The following MYO9A variants were observed in gnomAD, a reference collection of about 807,000 sequenced individuals.
The protein encoded by MYO9A is unconventional myosin-IXa.
MYO9A carries 103 observed loss-of-function variants against 293.3 expected under a neutral mutation model. The ratio of observed to expected loss-of-function variants is 0.35; its 90% CI spans 0.30 to 0.41. The LOEUF (loss-of-function observed/expected upper bound fraction) is 0.41, where lower values mean the gene tolerates loss of function less well. Ranked by LOEUF, MYO9A falls within the 10% of genes least tolerant of loss-of-function variation. MYO9A has a pLI of 1.00. For missense variants in MYO9A, 2,685 were observed against 3,033.0 expected (o/e 0.89, Z 2.69); for synonymous variants, 1,001 against 1,035.7 (o/e 0.97, Z 0.64).
intron 1 of MYO9A, among the ~76,000 whole-genome samples, chr15:72,047,072 T>C (rs1413462791): frequency 6.6e-6 from 1 of 152,036 alleles, no homozygotes; most frequent in Admixed American, 6.5e-5. Flanking sequence ...ATCCCAACAA[T>C]GGAGCAAAAA....
chr15:71,933,277 C>T (rs1280710970), intron 18 of MYO9A, among the ~76,000 whole-genome samples: 1 of 152,110 alleles, frequency 6.6e-6, no homozygotes, highest in African/African-American at 2.4e-5. Context: ...ATAGAAAAAC[C>T]TGGCAAACAT....
At chr15:72,114,414 G>C (rs1352619156) in intron 1 of MYO9A, 3 of 152,242 alleles carry the variant, frequency 2.0e-5, no homozygotes, top group East Asian at 3.8e-4. Context: ...GGAATGACCT[G>C]AAATATCATG....
chr15:72,100,337 G>A (rs1203221184), intron 1 of MYO9A, among the ~76,000 whole-genome samples: 1 of 152,250 alleles, frequency 6.6e-6, no homozygotes, highest in African/African-American at 2.4e-5. Context: ...GTGCTCGGTG[G>A]TGCCCAGGCT....
At chr15:71,940,798 G>C (rs935139674) in intron 15 of MYO9A, among the ~76,000 whole-genome samples, 2 of 152,116 alleles carry the variant, frequency 1.3e-5, no homozygotes, top group Non-Finnish European at 2.9e-5. Flanking sequence ...ATCCACAAGA[G>C]CTGAAAACAA....
At chr15:71,999,784 C>T in intron 9 of MYO9A, 67 bp downstream of exon 9, 1 of 1,326,320 alleles carries the variant, frequency 7.5e-7, no homozygotes, top group Non-Finnish European at 1.0e-6. Flanking sequence ...AAGAGAAAAC[C>T]CAAACTTCAA....
At chr15:71,999,980 G>A (rs374162152) in intron 8 of MYO9A, 40 bp from the exon 9 acceptor site, 3 of 1,508,722 alleles carry the variant, frequency 2.0e-6, no homozygotes, top group Non-Finnish European at 2.7e-6. Context: ...TAAGATTTAT[G>A]ACAATAGGTT....
intron 14 of MYO9A, chr15:71,953,630 CT>C (rs1338787918): frequency 6.6e-6 from 1 of 152,168 alleles, no homozygotes; most frequent in Non-Finnish European, 1.5e-5. Flanking sequence ...GTATCTGTGA[CT>C]GCTTTGTCTC....
At chr15:71,971,615 A>C (rs944177431) in intron 12 of MYO9A, among the ~76,000 whole-genome samples, 1 of 139,600 alleles carries the variant, frequency 7.2e-6, no homozygotes, top group African/African-American at 2.6e-5. Context: ...AAAAAAAAAA[A>C]CAAAGTAATT....
At chr15:72,085,296 G>A (rs1334463258) in intron 1 of MYO9A, among the ~76,000 whole-genome samples, 1 of 151,986 alleles carries the variant, frequency 6.6e-6, no homozygotes, top group Admixed American at 6.6e-5. Flanking sequence ...GGGAAGCTGA[G>A]GCAGGAGAAT....
At position 72,109,837 on chromosome 15, in the gene MYO9A, A is replaced by T. The variant is rs141383543; in HGVS notation, c.-72+7843T>A. ...CTTGAACCTCGAAAGTGGAGGCTGCAGTGAGCCAAGATCGCACCACTGCAC... is the reference window on the plus strand; with the variant it reads ...CTTGAACCTCGAAAGTGGAGGCTGCTGTGAGCCAAGATCGCACCACTGCAC... On this transcript the variant is annotated intron_variant, in intron 1 of 41. Coordinates refer to ENST00000356056, the MANE Select transcript of MYO9A (RefSeq NM_006901.4). Among the ~76,000 whole-genome samples, 493 of 152,080 alleles carry T rather than the reference A, an allele frequency of 3.2e-3. 2 individuals are homozygous for T. Among genetic ancestry groups the T allele is most frequent in the Non-Finnish European group, 5.2e-3 (352 of 67,988 alleles).
chr15:71,989,806 G>A (rs984411231), intron 11 of MYO9A, among the ~76,000 whole-genome samples: 1 of 151,916 alleles, frequency 6.6e-6, no homozygotes, highest in African/African-American at 2.4e-5. Flanking sequence ...TGGGAGGACT[G>A]CTTGAGCCTA....
intron 1 of MYO9A, among the ~76,000 whole-genome samples, chr15:72,057,868 A>G (rs575233610): frequency 6.6e-6 from 1 of 152,276 alleles, no homozygotes; most frequent in South Asian, 2.1e-4. Flanking sequence ...AAGTGTGCCA[A>G]TCAATTCCCT....
intron 4 of MYO9A, among the ~76,000 whole-genome samples, chr15:72,027,505 C>A (rs1443719713): frequency 6.6e-6 from 1 of 152,142 alleles, no homozygotes; most frequent in African/African-American, 2.4e-5. Flanking sequence ...AACTGAGAAA[C>A]TGCTTACTTG....
At chr15:71,896,601 G>A (rs1232333876) in intron 25 of MYO9A, among the ~76,000 whole-genome samples, 1 of 151,922 alleles carries the variant, frequency 6.6e-6, no homozygotes, top group Non-Finnish European at 1.5e-5. Flanking sequence ...CAAATATGGT[G>A]AAACCCCATC....
At chr15:71,991,963 C>T (rs753150233) in intron 10 of MYO9A, among the ~76,000 whole-genome samples, 16 of 152,130 alleles carry the variant, frequency 1.1e-4, no homozygotes, top group Non-Finnish European at 7.4e-5. Context: ...CCACGTTGGC[C>T]GGTCTGGTAT....
intron 6 of MYO9A, among the ~76,000 whole-genome samples, chr15:72,011,277 G>T (rs2077166304): frequency 6.6e-6 from 1 of 151,696 alleles, no homozygotes; most frequent in Admixed American, 6.6e-5. Context: ...CTCCTAAAGT[G>T]CTAGAATTAC....
chr15:72,043,252 ATGTAAAAGACC>A (rs1306687366), intron 2 of MYO9A, among the ~76,000 whole-genome samples: 1 of 152,206 alleles, frequency 6.6e-6, no homozygotes, highest in Non-Finnish European at 1.5e-5. Flanking sequence ...CTTACCAAAG[ATGTAAAAGACC>A]TGTACACTAA....
At chr15:71,988,738 T>C (rs1455716164) in intron 11 of MYO9A, among the ~76,000 whole-genome samples, 1 of 152,224 alleles carries the variant, frequency 6.6e-6, no homozygotes, top group South Asian at 2.1e-4. Context: ...ACTATTTCCC[T>C]TGAGTTCAGT....
intron 1 of MYO9A, among the ~76,000 whole-genome samples, chr15:72,096,055 A>ATCC (rs2080052232): frequency 6.6e-6 from 1 of 151,018 alleles, no homozygotes; most frequent in Admixed American, 6.6e-5. Context: ...CAGCTACTTG[A>ATCC]GAGGCTAAGG....
Sources: gnomAD v4.1 joint callset for allele counts (sites outside exome capture counted in the v4.1 genomes callset) on GRCh38, gnomAD v4.1.1 for gene constraint, MANE v1.5 for transcripts, NCBI Gene and HGNC (gene_info 2026-07-23, HGNC 2026-07-21) for gene names.